SLCO2A1: variants seen among roughly 807,000 people sequenced by gnomAD.
SLCO2A1 encodes the protein matrin F/G 1.
SLCO2A1 carries 60 observed loss-of-function variants against 71.7 expected under a neutral mutation model. The ratio of observed to expected loss-of-function variants is 0.84; its 90% CI spans 0.68 to 1.04. The LOEUF (loss-of-function observed/expected upper bound fraction) is 1.04, where lower values mean the gene tolerates loss of function less well. Among genes scored for constraint, SLCO2A1 ranks in the 50% least tolerant of loss-of-function variants. The pLI is 0.00. For synonymous variants in SLCO2A1, 308 were observed against 326.7 expected (o/e 0.94, Z 0.62); for missense variants, 745 against 813.4 (o/e 0.92, Z 1.02).
chr3:133,944,049 C>T (rs572767096), intron 10 of SLCO2A1, among the ~76,000 whole-genome samples: 71 of 152,358 alleles, frequency 4.7e-4, no homozygotes, highest in African/African-American at 1.5e-3. Context: ...ACTCCTCCTA[C>T]AGCACCAAGC....
chr3:133,987,523 C>G (rs1019549056), intron 1 of SLCO2A1, among the ~76,000 whole-genome samples: 2 of 152,078 alleles, frequency 1.3e-5, no homozygotes, highest in African/African-American at 4.8e-5. Flanking sequence ...CACCCCACTT[C>G]AAGTTGTCTC....
chr3:133,986,360 A>G (rs1023247679), intron 1 of SLCO2A1, among the ~76,000 whole-genome samples: 1 of 152,206 alleles, frequency 6.6e-6, no homozygotes. Context: ...ACCCAGGCAA[A>G]TATCTAGGTT....
At chr3:133,963,785 C>T (rs1398681733) in intron 3 of SLCO2A1, among the ~76,000 whole-genome samples, 1 of 151,064 alleles carries the variant, frequency 6.6e-6, no homozygotes, top group Non-Finnish European at 1.5e-5. Flanking sequence ...AGCACGACTC[C>T]TGGAACCTCA....
intron 6 of SLCO2A1, 139 bp downstream of exon 6, chr3:133,951,069 G>T: frequency 8.7e-7 from 1 of 1,147,942 alleles, no homozygotes; most frequent in Non-Finnish European, 1.3e-6. Context: ...CCTCTGGGAA[G>T]TCCTGCATCA....
chr3:133,969,560 T>TA (rs1479641798), intron 3 of SLCO2A1, among the ~76,000 whole-genome samples: 1 of 150,854 alleles, frequency 6.6e-6, no homozygotes, highest in African/African-American at 2.5e-5. Flanking sequence ...CTAACTTTTT[T>TA]TTTTTTGTAG....
intron 1 of SLCO2A1, 102 bp from the exon 2 acceptor site, chr3:133,979,720 G>A (rs969327469): frequency 5.7e-5 from 74 of 1,308,508 alleles, no homozygotes; most frequent in East Asian, 7.2e-5. Flanking sequence ...CTGTTTCCTC[G>A]CCTGTTATCT....
chr3:133,987,436 T>A (rs778491948), intron 1 of SLCO2A1, among the ~76,000 whole-genome samples: 1 of 151,920 alleles, frequency 6.6e-6, no homozygotes, highest in Admixed American at 6.6e-5. Context: ...TTTCTATTGT[T>A]CCCAGGTCTT....
At position 133,999,741 on chromosome 3, in the gene SLCO2A1, A is replaced by T. The variant is rs1935061340; in HGVS notation, c.97-20123T>A. ...GTCATCCCTAGTCCTAGGAGACAAG[A>T]TGAGGAGAGGAAAAATGTAAGGGTG... is the stretch of plus-strand genomic sequence containing the variant. On this transcript the variant is annotated intron_variant, in intron 1 of 13. Transcript: ENST00000310926. 2.0e-5 allele frequency among the ~76,000 whole-genome samples: 3 copies of T among 152,206 alleles called. No individual in the cohort carries two copies. In the South Asian group the frequency reaches 6.2e-4, roughly 32 times the overall value.
chr3:133,991,519 C>T (rs561909412), intron 1 of SLCO2A1, among the ~76,000 whole-genome samples: 1 of 152,332 alleles, frequency 6.6e-6, no homozygotes, highest in South Asian at 2.1e-4. Flanking sequence ...GGTGATATTC[C>T]TCATAGCAAT....
chr3:133,985,701 T>C (rs766244923), intron 1 of SLCO2A1, among the ~76,000 whole-genome samples: 1 of 152,238 alleles, frequency 6.6e-6, no homozygotes, highest in African/African-American at 2.4e-5. Context: ...TTAGAACAAA[T>C]CCACAGTGCA....
intron 1 of SLCO2A1, among the ~76,000 whole-genome samples, chr3:133,981,230 G>A (rs1266620847): frequency 1.3e-5 from 2 of 152,146 alleles, no homozygotes; most frequent in Non-Finnish European, 2.9e-5. Flanking sequence ...AAAGGGTCCT[G>A]TCTCTGTCTA....
chr3:133,979,964 C>T (rs1934549998), intron 1 of SLCO2A1, among the ~76,000 whole-genome samples: 1 of 152,140 alleles, frequency 6.6e-6, no homozygotes, highest in South Asian at 2.1e-4. Context: ...GATTATTCCC[C>T]AACAGCACCA....
At chr3:133,973,563 T>C in intron 3 of SLCO2A1, 100 bp downstream of exon 3, 2 of 1,260,400 alleles carry the variant, frequency 1.6e-6, no homozygotes. Context: ...ATATGCCCTC[T>C]TCCTGGAGTG....
At chr3:134,028,976 C>G (rs971852256) in intron 1 of SLCO2A1, among the ~76,000 whole-genome samples, 3 of 106,936 alleles carry the variant, frequency 2.8e-5, no homozygotes, top group African/African-American at 1.1e-4. Flanking sequence ...CACCCGCTCC[C>G]CATAACTTGC....
intron 3 of SLCO2A1, among the ~76,000 whole-genome samples, chr3:133,964,974 T>A (rs987591043): frequency 6.6e-6 from 1 of 152,196 alleles, no homozygotes; most frequent in Non-Finnish European, 1.5e-5. Flanking sequence ...AAGGAAGACA[T>A]ACCTGAGGGA....
chr3:134,014,452 C>T lies in SLCO2A1; in HGVS notation c.96+15255G>A, dbSNP rs191016657. ...CTTCCTGCCTGGGTTTCATCTCCAC[C>T]CCTGGGCAAATTTAATCCATCCCAA... On this transcript the variant is annotated intron_variant, in intron 1 of 13. Transcript: ENST00000310926. Among the ~76,000 whole-genome samples, 258 of 152,286 alleles carry T rather than the reference C, an allele frequency of 1.7e-3. 2 individuals are homozygous for T. The highest frequency in any genetic ancestry group is 5.9e-3 in the African/African-American group (244 of 41,554).
At chr3:133,973,868 T>C in intron 2 of SLCO2A1, 43 bp from the exon 3 acceptor site, 1 of 1,571,568 alleles carries the variant, frequency 6.4e-7, no homozygotes, top group Non-Finnish European at 8.7e-7. Flanking sequence ...AGAGGCCCTG[T>C]CCTCACCCAC....
chr3:134,015,314 A>C (rs1365257608), intron 1 of SLCO2A1, among the ~76,000 whole-genome samples: 4 of 152,158 alleles, frequency 2.6e-5, no homozygotes, highest in Non-Finnish European at 4.4e-5. Flanking sequence ...AGAGGACATT[A>C]TGCTAAGTGA....
chr3:133,959,423 T>A (rs1576434827), intron 3 of SLCO2A1, among the ~76,000 whole-genome samples: 1 of 142,102 alleles, frequency 7.0e-6, no homozygotes, highest in African/African-American at 2.8e-5. Flanking sequence ...AGAAAACGAG[T>A]GTTGGCAAGG....
Sources: allele counts gnomAD v4.1 joint callset (sites outside exome capture counted in the v4.1 genomes callset), GRCh38; gene constraint gnomAD v4.1.1; transcripts MANE v1.5; gene names NCBI Gene and HGNC (gene_info 2026-07-23, HGNC 2026-07-21).